The following PLD5 variants were observed in gnomAD, a reference collection of about 807,000 sequenced individuals.
The protein encoded by PLD5 is inactive phospholipase D5.
In PLD5, 36 loss-of-function variants were observed where a neutral mutation model predicts 61.1. That is an observed-to-expected ratio of 0.59 (90% confidence interval 0.45 to 0.78). The LOEUF is 0.78. Among genes scored for constraint, PLD5 ranks in the 30% least tolerant of loss-of-function variants. The probability of loss-of-function intolerance (pLI) is 0.00; values close to 1 mark genes in which losing one functional copy is unlikely to be tolerated. For missense variants in PLD5, 515 were observed against 644.4 expected, an observed-to-expected ratio of 0.80 and a Z score of 2.17; for synonymous variants, 243 against 242.8, an observed-to-expected ratio of 1.00 and a Z score of -0.01.
chr1:242,391,987 C>T (rs756184172), intron 1 of PLD5, among the ~76,000 whole-genome samples: 2 of 152,096 alleles, frequency 1.3e-5, no homozygotes, highest in African/African-American at 2.4e-5. Context: ...TTCACAATAG[C>T]AAAGGCATGG....
chr1:242,241,228 C>T (rs1268982219), intron 4 of PLD5, among the ~76,000 whole-genome samples: 2 of 152,066 alleles, frequency 1.3e-5, no homozygotes, highest in African/African-American at 4.8e-5. Context: ...CAGGAAAGCT[C>T]CCCATGAAAA....
chr1:242,511,124 G>A (rs546889541), intron 1 of PLD5, among the ~76,000 whole-genome samples: 10 of 152,150 alleles, frequency 6.6e-5, no homozygotes, highest in Non-Finnish European at 1.3e-4. Flanking sequence ...ATGTCCAAGC[G>A]ACACAGGGGC....
chr1:242,403,468 CTT>C (rs199559256), intron 1 of PLD5, among the ~76,000 whole-genome samples: 19,998 of 138,860 alleles, frequency 0.14, 1,435 homozygotes, highest in African/African-American at 0.19. Flanking sequence ...CTTGGATAGG[CTT>C]TTTTTTTTTT....
At chr1:242,498,970 A>T (rs1668465722) in intron 1 of PLD5, among the ~76,000 whole-genome samples, 1 of 152,236 alleles carries the variant, frequency 6.6e-6, no homozygotes, top group Non-Finnish European at 1.5e-5. Flanking sequence ...GAAGGGTATT[A>T]ATAGTGTTAA....
intron 5 of PLD5, among the ~76,000 whole-genome samples, chr1:242,202,700 A>G (rs74150842): frequency 0.011 from 1,620 of 152,312 alleles, 29 homozygotes; most frequent in African/African-American, 0.037. Flanking sequence ...TTTAAGATTT[A>G]TATGGCTACT....
At chr1:242,233,317 G>A (rs192092272) in intron 4 of PLD5, among the ~76,000 whole-genome samples, 42 of 152,298 alleles carry the variant, frequency 2.8e-4, no homozygotes, top group Non-Finnish European at 5.4e-4. Flanking sequence ...CTTGCCTGTT[G>A]CCCACAGCTA....
Position 242,196,420 on chromosome 1 carries a change from C to T in PLD5, c.735+23568G>A, listed in dbSNP as rs563704089. On this transcript the variant is annotated intron_variant, in intron 5 of 9. Transcript: ENST00000536534. ...CGGATCGGCATTACTGTGGCACTTA[C>T]TATTTAGGGGCTCAAGACATCAGAA... Among the ~76,000 whole-genome samples the T allele has an allele frequency of 6.4e-4, 97 of 152,250 alleles. 1 individual carries two copies. In the South Asian group the frequency reaches 0.019, roughly 30 times the overall value.
At chr1:242,117,805 AT>A (rs1662065960) in intron 6 of PLD5, among the ~76,000 whole-genome samples, 1 of 151,874 alleles carries the variant, frequency 6.6e-6, no homozygotes, top group African/African-American at 2.4e-5. Flanking sequence ...AGTTCAGTGG[AT>A]TTTAGGGATT....
At chr1:242,469,292 G>A (rs2654878) in intron 1 of PLD5, among the ~76,000 whole-genome samples, 145,318 of 152,340 alleles carry the variant, frequency 0.95, 69,360 homozygotes, top group East Asian at 1. Context: ...CCTGCCCTAC[G>A]CTGACCATAG....
chr1:242,427,054 T>TA (rs1429683470), intron 1 of PLD5, among the ~76,000 whole-genome samples: 1 of 152,150 alleles, frequency 6.6e-6, no homozygotes, highest in Non-Finnish European at 1.5e-5. Context: ...AATCACCACT[T>TA]AGAGAAAAGC....
chr1:242,117,231 G>A (rs751374716), intron 6 of PLD5, among the ~76,000 whole-genome samples: 3 of 152,142 alleles, frequency 2.0e-5, no homozygotes, highest in Non-Finnish European at 2.9e-5. Flanking sequence ...CCAAATGCAA[G>A]TAATTACCAG....
intron 1 of PLD5, chr1:242,449,475 G>A (rs1553377867): frequency 6.5e-6 from 10 of 1,531,200 alleles, no homozygotes; most frequent in African/African-American, 4.1e-5. Context: ...TGGCACAAAC[G>A]TATCACCACC....
At chr1:242,167,078 G>GTAATAATAATAA (rs377540462) in intron 5 of PLD5, among the ~76,000 whole-genome samples, 1 of 58,664 alleles carries the variant, frequency 1.7e-5, no homozygotes, top group African/African-American at 7.6e-5. Context: ...AATAATAATA[G>GTAATAATAATAA]TAATAATAAT....
intron 3 of PLD5, among the ~76,000 whole-genome samples, chr1:242,279,046 G>A (rs1574656912): frequency 1.3e-5 from 2 of 152,312 alleles, no homozygotes; most frequent in East Asian, 1.9e-4. Context: ...CAATCACTGA[G>A]CTCCATTTTG....
At chr1:242,318,498 T>A (rs1658169079) in intron 2 of PLD5, among the ~76,000 whole-genome samples, 2 of 152,156 alleles carry the variant, frequency 1.3e-5, no homozygotes, top group South Asian at 4.1e-4. Flanking sequence ...CCTCGACACT[T>A]CGTTAGGCCA....
chr1:242,426,051 T>G (rs1665404318), intron 1 of PLD5, among the ~76,000 whole-genome samples: 1 of 152,160 alleles, frequency 6.6e-6, no homozygotes, highest in Non-Finnish European at 1.5e-5. Context: ...TACAAAAATA[T>G]TTTCCTTCTT....
intron 1 of PLD5, among the ~76,000 whole-genome samples, chr1:242,366,860 A>G (rs932798094): frequency 6.6e-6 from 1 of 152,190 alleles, no homozygotes; most frequent in African/African-American, 2.4e-5. Context: ...AAAGGCTAAT[A>G]AATCAATAAT....
chr1:242,213,786 T>C (rs959169491), intron 5 of PLD5, among the ~76,000 whole-genome samples: 5 of 150,802 alleles, frequency 3.3e-5, no homozygotes, highest in Non-Finnish European at 7.4e-5. Flanking sequence ...TCCAGTTATT[T>C]ATTTTTCCCA....
At chr1:242,454,828 G>A (rs1666896704) in intron 1 of PLD5, among the ~76,000 whole-genome samples, 1 of 152,166 alleles carries the variant, frequency 6.6e-6, no homozygotes, top group African/African-American at 2.4e-5. Context: ...TACAGAGAGA[G>A]CTGACCGGAT....
Sources: allele counts gnomAD v4.1 joint callset (sites outside exome capture counted in the v4.1 genomes callset), GRCh38; gene constraint gnomAD v4.1.1; transcripts MANE v1.5; gene names NCBI Gene and HGNC (gene_info 2026-07-23, HGNC 2026-07-21).